GALNT7: variants seen among roughly 807,000 people sequenced by gnomAD.
GALNT7 encodes the protein polypeptide N-acetylgalactosaminyltransferase 7.
GALNT7 carries 60 observed loss-of-function variants against 82.1 expected under a neutral mutation model. The ratio of observed to expected loss-of-function variants is 0.73; its 90% CI spans 0.59 to 0.91. The LOEUF is 0.91. GALNT7 is among the 40% of genes least tolerant of loss of function. The pLI, the probability that GALNT7 is intolerant of heterozygous loss-of-function variation, is 0.00. For missense variants in GALNT7, 660 were observed against 804.2 expected (o/e 0.82, Z 2.17); for synonymous variants, 243 against 275.1 (o/e 0.88, Z 1.15).
chr4:173,216,497 C>T (rs1176291310), intron 1 of GALNT7, among the ~76,000 whole-genome samples: 2 of 151,520 alleles, frequency 1.3e-5, no homozygotes, highest in African/African-American at 2.4e-5. Flanking sequence ...TCAGTGTTTT[C>T]TTTTATAAAA....
intron 1 of GALNT7, among the ~76,000 whole-genome samples, chr4:173,227,010 A>G (rs935359562): frequency 6.6e-6 from 1 of 152,234 alleles, no homozygotes; most frequent in Non-Finnish European, 1.5e-5. Context: ...TAAACTGGAA[A>G]TGAAATGCCT....
intron 2 of GALNT7, among the ~76,000 whole-genome samples, chr4:173,268,568 C>G (rs1192158516): frequency 9.6e-6 from 1 of 104,698 alleles, no homozygotes; most frequent in Non-Finnish European, 1.7e-5. Context: ...GAGATGGAGT[C>G]TCGCTCTGTA....
intron 6 of GALNT7, among the ~76,000 whole-genome samples, chr4:173,301,193 T>C (rs1177890123): frequency 6.6e-6 from 1 of 152,050 alleles, no homozygotes; most frequent in Non-Finnish European, 1.5e-5. Context: ...TAGGTTCCAT[T>C]GAACCTATTT....
intron 2 of GALNT7, among the ~76,000 whole-genome samples, chr4:173,249,354 T>C (rs752784134): frequency 6.6e-6 from 1 of 152,200 alleles, no homozygotes; most frequent in Non-Finnish European, 1.5e-5. Flanking sequence ...TTCACCAGCA[T>C]TCTTTATGAC....
chr4:173,236,202 TTCCATGC>T, intron 1 of GALNT7, among the ~76,000 whole-genome samples: 2 of 152,212 alleles, frequency 1.3e-5, no homozygotes, highest in African/African-American at 4.8e-5. Context: ...GCCTTTCTAG[TTCCATGC>T]TCCTGGGGCC....
At chr4:173,311,628 G>A (rs921112022) in intron 8 of GALNT7, among the ~76,000 whole-genome samples, 1 of 152,176 alleles carries the variant, frequency 6.6e-6, no homozygotes. Flanking sequence ...GAGTCACAAG[G>A]ACAGTGTGGG....
At chr4:173,192,123 G>A (rs1406364650) in intron 1 of GALNT7, among the ~76,000 whole-genome samples, 1 of 152,136 alleles carries the variant, frequency 6.6e-6, no homozygotes, top group African/African-American at 2.4e-5. Context: ...AGTGTGTGGT[G>A]GGTGAGGACA....
chr4:173,225,018 A>AAATAATAATAATAATAATAAT (rs70944438), intron 1 of GALNT7, among the ~76,000 whole-genome samples: 9 of 144,576 alleles, frequency 6.2e-5, no homozygotes, highest in African/African-American at 2.3e-4. Flanking sequence ...CTGTCTCAAA[A>AAATAATAATAATAATAATAAT]AATAATAATA....
chr4:173,218,138 A>G (rs60388714), intron 1 of GALNT7, among the ~76,000 whole-genome samples: 3,386 of 152,280 alleles, frequency 0.022, 101 homozygotes, highest in Admixed American at 0.068. Context: ...TTCAGCATAA[A>G]TGATAATAAA....
chr4:173,295,662 G>T, intron 4 of GALNT7, 102 bp from the exon 5 acceptor site: 1 of 1,121,494 alleles, frequency 8.9e-7, no homozygotes, highest in South Asian at 1.3e-5. Context: ...TGTCAGAATT[G>T]ACTATAATGC....
At chr4:173,202,156 G>A (rs7673747) in intron 1 of GALNT7, among the ~76,000 whole-genome samples, 114,815 of 152,122 alleles carry the variant, frequency 0.75, 44,157 homozygotes, top group East Asian at 0.92. Flanking sequence ...CTAAAGGGAA[G>A]TGCTTCTGTA....
intron 1 of GALNT7, among the ~76,000 whole-genome samples, chr4:173,246,978 T>C (rs887341488): frequency 1.1e-4 from 17 of 152,200 alleles, no homozygotes; most frequent in African/African-American, 4.1e-4. Flanking sequence ...CGAGCAGCCC[T>C]CCCATTAAGC....
intron 11 of GALNT7, 167 bp downstream of exon 11, chr4:173,318,726 G>A: frequency 1.9e-6 from 1 of 514,054 alleles, no homozygotes; most frequent in South Asian, 2.3e-5. Flanking sequence ...ATGACTCATT[G>A]TTCTATAATG....
chr4:173,251,363 G>A (rs937999029), intron 2 of GALNT7, among the ~76,000 whole-genome samples: 1 of 152,188 alleles, frequency 6.6e-6, no homozygotes, highest in Non-Finnish European at 1.5e-5. Context: ...TCTTTTATTA[G>A]CCTGTTGGTT....
At chr4:173,202,570 G>A (rs538423308) in intron 1 of GALNT7, among the ~76,000 whole-genome samples, 4 of 152,210 alleles carry the variant, frequency 2.6e-5, no homozygotes, top group South Asian at 4.1e-4. Context: ...TCAAAGTCTC[G>A]TTCAAATCCT....
In GALNT7 at chr4:173,168,822, G is replaced by A. The variant is rs1170526221; in HGVS notation, c.-14G>A. On this transcript the variant is annotated 5_prime_UTR_variant, in exon 1 of 12. Coordinates refer to ENST00000265000, the MANE Select transcript of GALNT7 (RefSeq NM_017423.3). ...GGCTGCGCCGGGCTGTGAGTCTCTC[G>A]CCGCCGGAGGAAGATGAGGCTGAAG... The A allele has an allele frequency of 3.7e-6, 6 of 1,609,210 alleles. No individual in the cohort carries two copies. Among genetic ancestry groups the A allele is most frequent in the Admixed American group, 1.7e-5 (1 of 59,790 alleles).
chr4:173,177,026 T>G (rs1732068763), intron 1 of GALNT7, among the ~76,000 whole-genome samples: 1 of 152,036 alleles, frequency 6.6e-6, no homozygotes, highest in Admixed American at 6.5e-5. Context: ...GGAGGAGGAA[T>G]CATTCTTGAT....
At chr4:173,307,471 C>A (rs1737202552) in intron 8 of GALNT7, among the ~76,000 whole-genome samples, 1 of 152,196 alleles carries the variant, frequency 6.6e-6, no homozygotes, top group Non-Finnish European at 1.5e-5. Context: ...GTGCCTAGGT[C>A]TCTATGGCAG....
At chr4:173,197,398 A>G (rs1467228985) in intron 1 of GALNT7, among the ~76,000 whole-genome samples, 1 of 152,214 alleles carries the variant, frequency 6.6e-6, no homozygotes. Context: ...TATACACCCT[A>G]GAGTGGACTT....
Sources: allele counts gnomAD v4.1 joint callset (sites outside exome capture counted in the v4.1 genomes callset), GRCh38; gene constraint gnomAD v4.1.1; transcripts MANE v1.5; gene names NCBI Gene and HGNC (gene_info 2026-07-23, HGNC 2026-07-21).